TENM3: variants seen among roughly 807,000 people sequenced by gnomAD.
The protein encoded by TENM3 is teneurin-3.
TENM3 carries 63 observed loss-of-function variants against 255.1 expected under a neutral mutation model. The ratio of observed to expected loss-of-function variants is 0.25; its 90% confidence interval spans 0.20 to 0.30. TENM3 has a LOEUF of 0.30. Ranked by LOEUF, TENM3 falls within the 10% of genes least tolerant of loss-of-function variation. The pLI is 1.00. For synonymous variants in TENM3, 1,306 were observed against 1,322.3 expected, an observed-to-expected ratio of 0.99 and a Z score of 0.27; for missense variants, 2,929 against 3,461.1, an observed-to-expected ratio of 0.85 and a Z score of 3.86.
intron 16 of TENM3, among the ~76,000 whole-genome samples, chr4:182,736,207 G>T (rs1041112425): frequency 6.6e-6 from 1 of 152,138 alleles, no homozygotes; most frequent in African/African-American, 2.4e-5. Flanking sequence ...TAACCCAAAC[G>T]ATTGGGTGTT....
rs576207084 is a variant in TENM3 at position 182,669,333 on chromosome 4, G to A, written c.1112-3672G>A. On this transcript the variant is annotated intron_variant, in intron 6 of 27. Transcript: ENST00000511685. ...TGCCCAGGCTGGAGTGCAGTGGCGC[G>A]ATCTCGGCTCACTGCAAGCTCCGCC... is the stretch of plus-strand genomic sequence containing the variant. Among the ~76,000 whole-genome samples, 112 of 151,964 alleles carry A rather than the reference G, an allele frequency of 7.4e-4. 1 individual carries two copies. Among genetic ancestry groups the A allele is most frequent in the African/African-American group, 2.5e-3 (105 of 41,450 alleles).
At chr4:182,758,721 GA>G (rs1762912143) in intron 22 of TENM3, among the ~76,000 whole-genome samples, 1 of 152,074 alleles carries the variant, frequency 6.6e-6, no homozygotes, top group African/African-American at 2.4e-5. Flanking sequence ...AGTTCACAAA[GA>G]AGGGATTTGA....
intron 19 of TENM3, among the ~76,000 whole-genome samples, chr4:182,744,815 G>A (rs187686565): frequency 1.3e-5 from 2 of 152,232 alleles, no homozygotes; most frequent in African/African-American, 4.8e-5. Flanking sequence ...CAAAGTGAAG[G>A]ACGAATATAG....
chr4:181,866,498 C>G, the TENM3 span, among the ~76,000 whole-genome samples: 1 of 152,168 alleles, frequency 6.6e-6, no homozygotes, highest in Non-Finnish European at 1.5e-5. Context: ...CAATTTATAG[C>G]TTTTGAAATG....
In TENM3 at chr4:182,773,581, C is replaced by G. The variant is rs1426216066; in HGVS notation, c.5002C>G (p.Arg1668Gly). The G allele has an allele frequency of 6.2e-7, 1 of 1,613,620 alleles. No individual in the cohort carries two copies. The highest frequency in any genetic ancestry group is 1.7e-5 in the Admixed American group (1 of 59,966). ...AITVDIESSS[R>G]EEDVSITSNL... ...CACAGTGGACATTGAGTCATCTAGC[C>G]GAGAAGAAGATGTCAGCATCACTTC... is the stretch of plus-strand genomic sequence containing the variant. Residue 1668 changes from arginine (R) to glycine (G), a missense_variant, in exon 23 of 28, where the codon CGA becomes GGA. Around this residue, in one of 6 missense-constraint regions of TENM3, gnomAD observed 1,608 missense variants for 1,884.4 expected, o/e 0.85. Transcript: ENST00000511685.
chr4:182,376,660 T>G (rs1767197370), intron 3 of TENM3, among the ~76,000 whole-genome samples: 1 of 151,942 alleles, frequency 6.6e-6, no homozygotes, highest in Non-Finnish European at 1.5e-5. Flanking sequence ...AGCAGCAACG[T>G]GGCAGAGGAG....
At chr4:181,492,920 T>C in the TENM3 span, among the ~76,000 whole-genome samples, 17,210 of 152,040 alleles carry the variant, frequency 0.11, 1,222 homozygotes, top group South Asian at 0.2. Flanking sequence ...ATATTGGCCA[T>C]AGTAAATAAG....
At chr4:181,783,851 C>T in the TENM3 span, among the ~76,000 whole-genome samples, 2 of 152,032 alleles carry the variant, frequency 1.3e-5, no homozygotes, top group Non-Finnish European at 2.9e-5. Context: ...AAGTGCGCAC[C>T]ACTATTCTCA....
At chr4:181,587,364 C>G in the TENM3 span, among the ~76,000 whole-genome samples, 1 of 152,248 alleles carries the variant, frequency 6.6e-6, no homozygotes, top group Non-Finnish European at 1.5e-5. Flanking sequence ...CCTGCTGAAG[C>G]CACTCCTATC....
the TENM3 span, among the ~76,000 whole-genome samples, chr4:181,801,116 T>C: frequency 1.3e-5 from 2 of 152,148 alleles, no homozygotes; most frequent in African/African-American, 4.8e-5. Context: ...GCAATTATCA[T>C]GGTAGACAGG....
chr4:181,487,215 C>T, the TENM3 span, among the ~76,000 whole-genome samples: 6 of 152,082 alleles, frequency 3.9e-5, no homozygotes, highest in East Asian at 1.9e-4. Flanking sequence ...GGATCCAACA[C>T]GCTTGTTTTA....
chr4:182,350,325 CT>C (rs1409933042), intron 3 of TENM3: 1 of 152,218 alleles, frequency 6.6e-6, no homozygotes, highest in Admixed American at 6.5e-5. Context: ...GCAAAACTAA[CT>C]TTTCACCAGC....
At chr4:182,269,590 C>A (rs1451118350) in intron 1 of TENM3, among the ~76,000 whole-genome samples, 2 of 151,982 alleles carry the variant, frequency 1.3e-5, no homozygotes, top group Non-Finnish European at 2.9e-5. Context: ...GGCTGCCTCC[C>A]TGCTTGACTT....
chr4:181,524,170 G>T, the TENM3 span, among the ~76,000 whole-genome samples: 7 of 152,224 alleles, frequency 4.6e-5, no homozygotes, highest in African/African-American at 1.2e-4. Context: ...GATTTCCGTG[G>T]TTTTGGGGGT....
At chr4:182,193,798 G>A (rs914016044) in intron 1 of TENM3, among the ~76,000 whole-genome samples, 3 of 152,148 alleles carry the variant, frequency 2.0e-5, no homozygotes, top group Non-Finnish European at 4.4e-5. Context: ...TTTTAGCATA[G>A]ATTTGAAATG....
chr4:181,976,077 T>A, the TENM3 span: 1 of 152,344 alleles, frequency 6.6e-6, no homozygotes, highest in East Asian at 1.9e-4. Context: ...TATAAGGACA[T>A]CAGTCATATT....
chr4:182,177,954 TTTTG>T (rs1306490882), intron 1 of TENM3, among the ~76,000 whole-genome samples: 1 of 96,748 alleles, frequency 1.0e-5, no homozygotes, highest in East Asian at 2.3e-4. Context: ...ATGTTTTGGT[TTTTG>T]TTTTTTTTTT....
chr4:181,658,329 G>T, the TENM3 span, among the ~76,000 whole-genome samples: 1 of 152,170 alleles, frequency 6.6e-6, no homozygotes, highest in Non-Finnish European at 1.5e-5. Flanking sequence ...GGAACCACTG[G>T]CAAGTAAGTG....
At chr4:181,755,121 C>A in the TENM3 span, among the ~76,000 whole-genome samples, 1 of 152,100 alleles carries the variant, frequency 6.6e-6, no homozygotes, top group African/African-American at 2.4e-5. Context: ...GTGGTGAAGT[C>A]CTTGGTCTCT....
Sources: allele counts gnomAD v4.1 joint callset (sites outside exome capture counted in the v4.1 genomes callset), GRCh38; gene constraint gnomAD v4.1.1; regional missense constraint gnomAD v4.1.1; transcripts MANE v1.5; gene names NCBI Gene and HGNC (gene_info 2026-07-23, HGNC 2026-07-21).